FAM149B1: variants seen among roughly 807,000 people sequenced by gnomAD.
FAM149B1 encodes the protein primary cilium assembly protein FAM149B1.
Under a neutral mutation model 75.3 loss-of-function variants are expected in FAM149B1, and 56 were observed. The observed-to-expected ratio is 0.74, with a 90% CI of 0.60 to 0.93. The LOEUF (loss-of-function observed/expected upper bound fraction) is 0.93. Ranked by LOEUF, FAM149B1 falls within the 40% of genes least tolerant of loss-of-function variation. FAM149B1 has a pLI of 0.00. For synonymous variants in FAM149B1, 259 were observed against 256.1 expected (o/e 1.01, Z -0.11); for missense variants, 639 against 708.4 (o/e 0.90, Z 1.11).
intron 12 of FAM149B1, among the ~76,000 whole-genome samples, chr10:73,237,766 C>T (rs1231731931): frequency 1.3e-5 from 2 of 151,978 alleles, no homozygotes; most frequent in Non-Finnish European, 2.9e-5. Context: ...CGCTACATCA[C>T]CCAGGCTGGA....
Position 73,243,297 on chromosome 10 carries a change from C to T in FAM149B1, c.*2278C>T, listed in dbSNP as rs1231872874. The stretch of plus-strand genomic sequence containing the variant: ...TGAAAAATTCAGGCTGGAAAGACAC[C>T]TTTTCTCAAGAGCTGAATTGACTTT... On this transcript the variant is annotated 3_prime_UTR_variant, in exon 14 of 14. Coordinates refer to ENST00000242505, the MANE Select transcript of FAM149B1 (RefSeq NM_173348.2). The T allele has an allele frequency of 2.9e-6, 4 of 1,363,130 alleles. No individual in the cohort carries two copies. Among genetic ancestry groups the T allele is most frequent in the Admixed American group, 2.0e-5 (1 of 50,376 alleles). 84.4% of individuals were successfully genotyped at this position (1,363,130 alleles called of 1,614,324 possible). A position where few individuals can be genotyped will look rare whatever the true frequency, so the allele number is the denominator to read the frequency against.
intron 7 of FAM149B1, among the ~76,000 whole-genome samples, chr10:73,221,187 G>GT (rs2043405425): frequency 6.6e-6 from 1 of 152,104 alleles, no homozygotes; most frequent in Admixed American, 6.5e-5. Context: ...TTACATAGTG[G>GT]TAATGATTGC....
Position 73,210,204 on chromosome 10 carries a change from C to G in FAM149B1, c.711-47C>G, listed in dbSNP as rs149561923. On this transcript the variant is annotated intron_variant, in intron 6 of 13. Coordinates refer to ENST00000242505, the MANE Select transcript of FAM149B1 (RefSeq NM_173348.2). Reference sequence around the variant, plus strand: ...TACACAGACAATTTTAGAAAGGCAGCCTTCCCTTCAGCATCATGAAGTCTT... The same window carrying G: ...TACACAGACAATTTTAGAAAGGCAGGCTTCCCTTCAGCATCATGAAGTCTT... 3 of 1,327,990 alleles carry G rather than the reference C, an allele frequency of 2.3e-6. 1 individual carries two copies. The highest frequency in any genetic ancestry group is 3.1e-6 in the Non-Finnish European group (3 of 967,038). 82.3% of individuals were successfully genotyped at this position (1,327,990 alleles called of 1,614,324 possible). A position where few individuals can be genotyped will look rare whatever the true frequency, so the allele number is the denominator to read the frequency against.
chr10:73,201,643 G>C (rs1222071072), intron 5 of FAM149B1, among the ~76,000 whole-genome samples: 5 of 152,084 alleles, frequency 3.3e-5, no homozygotes, highest in African/African-American at 4.8e-5. Flanking sequence ...TGAGTAGGAA[G>C]GCCTTTAAAA....
chr10:73,234,673 A>G, intron 10 of FAM149B1, 144 bp from the exon 11 acceptor site: 1 of 873,334 alleles, frequency 1.1e-6, no homozygotes, highest in African/African-American at 1.7e-5. Context: ...AAATCCTGAG[A>G]TCTCTACTTG....
chr10:73,215,714 G>C (rs1020656852), intron 7 of FAM149B1, among the ~76,000 whole-genome samples: 1 of 152,066 alleles, frequency 6.6e-6, no homozygotes, highest in African/African-American at 2.4e-5. Context: ...TATTTGTATG[G>C]TTTCCAGAGT....
At chr10:73,176,535 C>T (rs942985346) in intron 2 of FAM149B1, among the ~76,000 whole-genome samples, 7 of 152,132 alleles carry the variant, frequency 4.6e-5, no homozygotes, top group Non-Finnish European at 1.0e-4. Flanking sequence ...GATGGTTCTT[C>T]AGTCTCTCAG....
chr10:73,187,197 A>G (rs2042547556), intron 3 of FAM149B1, among the ~76,000 whole-genome samples: 1 of 152,142 alleles, frequency 6.6e-6, no homozygotes, highest in African/African-American at 2.4e-5. Context: ...GCTGAGAGAA[A>G]TTAAAGAAGA....
chr10:73,209,205 T>C (rs940137376), intron 6 of FAM149B1, among the ~76,000 whole-genome samples: 2 of 152,154 alleles, frequency 1.3e-5, no homozygotes, highest in African/African-American at 2.4e-5. Flanking sequence ...TCCCAGCACA[T>C]TGGGAGGCCG....
intron 5 of FAM149B1, chr10:73,201,167 T>G (rs1007008996): frequency 1.1e-5 from 3 of 273,070 alleles, no homozygotes; most frequent in Non-Finnish European, 2.3e-5. Flanking sequence ...TTCGTGACAC[T>G]GAGATTTGTA....
intron 12 of FAM149B1, among the ~76,000 whole-genome samples, chr10:73,237,851 G>A (rs1320053507): frequency 6.6e-6 from 1 of 152,082 alleles, no homozygotes; most frequent in African/African-American, 2.4e-5. Context: ...AGCCTCCCAA[G>A]TAGCTGGGAT....
At chr10:73,189,726 A>G (rs552772913) in intron 3 of FAM149B1, among the ~76,000 whole-genome samples, 23 of 152,370 alleles carry the variant, frequency 1.5e-4, no homozygotes, top group African/African-American at 5.0e-4. Flanking sequence ...ATAAGTCAAC[A>G]TTTTGGAAAA....
chr10:73,189,035 A>ATAAT (rs1013048706), intron 3 of FAM149B1, among the ~76,000 whole-genome samples: 7 of 152,080 alleles, frequency 4.6e-5, no homozygotes, highest in South Asian at 2.1e-4. Context: ...TCTCTAAAAA[A>ATAAT]TAATTAATTA....
intron 5 of FAM149B1, among the ~76,000 whole-genome samples, chr10:73,203,481 C>A (rs1057286600): frequency 2.0e-5 from 3 of 152,074 alleles, no homozygotes; most frequent in African/African-American, 7.2e-5. Context: ...TATACTTAAT[C>A]TTTTATTGTG....
At chr10:73,216,202 T>A (rs2043295044) in intron 7 of FAM149B1, among the ~76,000 whole-genome samples, 1 of 152,242 alleles carries the variant, frequency 6.6e-6, no homozygotes, top group Admixed American at 6.5e-5. Flanking sequence ...TTTCATCTGC[T>A]ATAAGTGTAG....
At chr10:73,197,969 T>C (rs1043340231) in intron 5 of FAM149B1, among the ~76,000 whole-genome samples, 1 of 152,162 alleles carries the variant, frequency 6.6e-6, no homozygotes, top group African/African-American at 2.4e-5. Flanking sequence ...CTATAATATC[T>C]AATGAGTGGC....
Position 73,240,461 on chromosome 10 carries a change from C to T in FAM149B1, c.1676-485C>T, listed in dbSNP as rs538410333. Among the ~76,000 whole-genome samples the T allele has an allele frequency of 2.6e-5, 4 of 152,210 alleles. No individual in the cohort carries two copies. The East Asian group carries it at 7.7e-4, about 29-fold the overall frequency. On this transcript the variant is annotated intron_variant, in intron 13 of 13. Coordinates refer to ENST00000242505, the MANE Select transcript of FAM149B1 (RefSeq NM_173348.2). ...GGCGTGGTGGCTCATGCCTGTAATC[C>T]CAGCACTTTCGGAGGCCAAGGCGGG...
At chr10:73,240,484 G>A (rs555743353) in intron 13 of FAM149B1, among the ~76,000 whole-genome samples, 107 of 152,252 alleles carry the variant, frequency 7.0e-4, no homozygotes, top group Non-Finnish European at 1.1e-3. Context: ...AGGCCAAGGC[G>A]GGCGGATCAC....
intron 5 of FAM149B1, among the ~76,000 whole-genome samples, chr10:73,197,888 G>A (rs983402319): frequency 6.6e-6 from 1 of 152,166 alleles, no homozygotes; most frequent in Non-Finnish European, 1.5e-5. Context: ...GAAAAACTAT[G>A]CATTCTGCTA....
Sources: allele counts gnomAD v4.1 joint callset (sites outside exome capture counted in the v4.1 genomes callset), GRCh38; gene constraint gnomAD v4.1.1; transcripts MANE v1.5; gene names NCBI Gene and HGNC (gene_info 2026-07-23, HGNC 2026-07-21).